The following HPS1 variants were observed in gnomAD, a reference collection of about 807,000 sequenced individuals.
HPS1 encodes BLOC-3 complex member HPS1.
In HPS1, 59 loss-of-function variants were observed where a neutral mutation model predicts 90.6. That is an observed-to-expected ratio of 0.65 (90% CI 0.53 to 0.81). The LOEUF (loss-of-function observed/expected upper bound fraction) is 0.81. Among genes scored for constraint, HPS1 ranks in the 30% least tolerant of loss-of-function variants. The probability of loss-of-function intolerance (pLI) is 0.00; values close to 1 mark genes in which losing one functional copy is unlikely to be tolerated. For missense variants in HPS1, 849 were observed against 896.7 expected (o/e 0.95, Z 0.68); for synonymous variants, 388 against 384.4 (o/e 1.01, Z -0.11).
In HPS1 at chr10:98,430,642, C is replaced by A. The variant is rs535690375; in HGVS notation, c.697G>T (p.Asp233Tyr). ...ACCAGGAGGATGAGGGCAAGCAGGT[C>A]GGCCGGGCGCAGGGAGCTGGCACTG... The part of the protein sequence containing the change: ...SHSASSLRPA[D>Y]LLALILLVQD... The change falls in exon 8 of 20, where the codon GAC (aspartate) becomes TAC (tyrosine). Residue 233 changes from aspartate (D) to tyrosine (Y), a missense_variant. Physicochemically the swap from Asp to Tyr is radical, Grantham distance 160. Coordinates refer to ENST00000361490, the MANE Select transcript of HPS1 (RefSeq NM_000195.5). The A allele has an allele frequency of 1.7e-5, 26 of 1,555,098 alleles. No individual in the cohort carries two copies. Among genetic ancestry groups the A allele is most frequent in the South Asian group, 3.6e-5 (3 of 84,252 alleles).
intron 2 of HPS1, among the ~76,000 whole-genome samples, chr10:98,443,662 T>G (rs958675852): frequency 1.3e-5 from 2 of 152,206 alleles, no homozygotes; most frequent in African/African-American, 2.4e-5. Flanking sequence ...GGCAGCCAGT[T>G]AGTGCCTGGT....
chr10:98,422,259 G>T, intron 17 of HPS1, 110 bp downstream of exon 17: 1 of 1,217,330 alleles, frequency 8.2e-7, no homozygotes, highest in Non-Finnish European at 1.2e-6. Flanking sequence ...GCCTCCTTGG[G>T]CCTGCTGCCC....
At position 98,429,532 on chromosome 10, in the gene HPS1, C is replaced by A. The variant is rs371098633; in HGVS notation, c.937+41G>T. 3.2e-5 allele frequency: 51 copies of A among 1,614,106 alleles called. No individual in the cohort carries two copies. The African/African-American group carries it at 5.7e-4, about 18-fold the overall frequency. ...GATGTCCTGGGCTGCCTGTCGCTCG[C>A]AGCTAGCTATTGTTTCCTCCTGCTT... On this transcript the variant is annotated intron_variant, in intron 10 of 19. Coordinates refer to ENST00000361490, the MANE Select transcript of HPS1 (RefSeq NM_000195.5).
downstream of HPS1, chr10:98,415,020 A>C (rs1255767779): frequency 6.2e-7 from 1 of 1,610,412 alleles, no homozygotes; most frequent in African/African-American, 1.4e-5. Context: ...TGCTCCTATC[A>C]CCACCGCATC....
At chr10:98,418,152 A>T in intron 19 of HPS1, 23 bp downstream of exon 19, 1 of 1,531,484 alleles carries the variant, frequency 6.5e-7, no homozygotes, top group Non-Finnish European at 9.0e-7. Flanking sequence ...ATCTGTCCCC[A>T]GTGGCTCCCA....
intron 17 of HPS1, among the ~76,000 whole-genome samples, 171 bp downstream of exon 17, chr10:98,422,198 C>T (rs559881183): frequency 9.9e-5 from 15 of 152,248 alleles, no homozygotes; most frequent in Admixed American, 2.0e-4. Flanking sequence ...TCCATTCTAG[C>T]TCATTCAACA....
rs377752969 is a variant in HPS1, at chr10:98,430,650, C to A, written c.689G>T (p.Arg230Leu). 3.9e-6 allele frequency: 6 copies of A among 1,554,044 alleles called. No homozygotes were observed. The highest frequency in any genetic ancestry group is 3.5e-6 in the Non-Finnish European group (4 of 1,148,308). ...GATGAGGGCAAGCAGGTCGGCCGGGCGCAGGGAGCTGGCACTGTGGCTGCA... is the reference window on the plus strand; with the variant it reads ...GATGAGGGCAAGCAGGTCGGCCGGGAGCAGGGAGCTGGCACTGTGGCTGCA... ...FYSSHSASSL[R>L]PADLLALILL... The change falls in exon 8 of 20, where the codon CGC becomes CTC. Residue 230 changes from arginine to leucine, a missense_variant. Coordinates refer to ENST00000361490, the MANE Select transcript of HPS1 (RefSeq NM_000195.5).
At chr10:98,430,250 G>A (rs1379743914) in intron 8 of HPS1, among the ~76,000 whole-genome samples, 1 of 152,196 alleles carries the variant, frequency 6.6e-6, no homozygotes, top group East Asian at 1.9e-4. Context: ...TAGATGCTTT[G>A]TTATTCCCAT....
At position 98,417,514 on chromosome 10, in the gene HPS1, C is replaced by G. The variant is rs925853139; in HGVS notation, c.*50G>C. 25 of 1,534,010 alleles carry G rather than the reference C, an allele frequency of 1.6e-5. No homozygotes were observed. The highest frequency in any genetic ancestry group is 2.1e-5 in the Non-Finnish European group (24 of 1,122,978). On this transcript the variant is annotated 3_prime_UTR_variant, in exon 20 of 20. Coordinates refer to ENST00000361490, the MANE Select transcript of HPS1 (RefSeq NM_000195.5). The surrounding 1 kb of genome is among the most constrained non-coding windows in gnomAD (Gnocchi z 4.2). ...TCTCGTCATGGGGAACAGTGGCAAG[C>G]AAGGGTGGCTGGAGGACAGGATGCA...
chr10:98,417,802 CT>C lies in HPS1; in HGVS notation c.1941-77del. ...CCAGCGCCAGAGGCCTCTCTGGGCC[CT>C]CGCAAGCAAATGCCCATGCCCTCGG... On this transcript the variant is annotated intron_variant, in intron 19 of 19. Coordinates refer to ENST00000361490, the MANE Select transcript of HPS1 (RefSeq NM_000195.5). The surrounding 1 kb of genome is among the most constrained non-coding windows in gnomAD (Gnocchi z 4.2). 7.0e-7 allele frequency: 1 copy of C among 1,422,910 alleles called. No homozygotes were observed. Among genetic ancestry groups the C allele is most frequent in the Non-Finnish European group, 9.9e-7 (1 of 1,011,688 alleles). 88.1% of individuals were successfully genotyped at this position (1,422,910 alleles called of 1,614,324 possible). A position where few individuals can be genotyped will look rare whatever the true frequency, so the allele number is the denominator to read the frequency against.
intron 6 of HPS1, among the ~76,000 whole-genome samples, chr10:98,433,325 T>C (rs1846790208): frequency 6.6e-6 from 1 of 152,126 alleles, no homozygotes; most frequent in African/African-American, 2.4e-5. Context: ...GTAACCTGTA[T>C]TTAACAAGCC....
intron 17 of HPS1, among the ~76,000 whole-genome samples, chr10:98,422,007 C>G (rs1449772964): frequency 6.6e-6 from 1 of 151,662 alleles, no homozygotes; most frequent in Admixed American, 6.6e-5. Context: ...CACACACACA[C>G]ACACACACGT....
At chr10:98,415,461 A>G (rs2274244), downstream of HPS1, among the ~76,000 whole-genome samples, 54,776 of 152,172 alleles carry the variant, frequency 0.36, 11,021 homozygotes, top group African/African-American at 0.53. Context: ...CATTTTACAG[A>G]TGAGGGCGCT....
rs1226760503 is a variant in HPS1 at position 98,425,806 on chromosome 10, G to A, written c.1155+12C>T. 4.3e-6 allele frequency: 7 copies of A among 1,611,742 alleles called. No individual in the cohort carries two copies. The highest frequency in any genetic ancestry group is 2.2e-5 in the South Asian group (2 of 90,962). ...CTAAGCATCATCAGGGCAGGGTGAGGGGCTCTCCTACCCTGGTCAGGAGCA... is the reference window on the plus strand; with the variant it reads ...CTAAGCATCATCAGGGCAGGGTGAGAGGCTCTCCTACCCTGGTCAGGAGCA... On this transcript the variant is annotated intron_variant, in intron 12 of 19. Coordinates refer to ENST00000361490, the MANE Select transcript of HPS1 (RefSeq NM_000195.5).
intron 12 of HPS1, 40 bp from the exon 13 acceptor site, chr10:98,425,760 C>T (rs2136155186): frequency 6.3e-7 from 1 of 1,598,806 alleles, no homozygotes; most frequent in Non-Finnish European, 8.5e-7. Flanking sequence ...CGGGGCTGCC[C>T]CTGGGGAAGA....
At chr10:98,425,018 C>T (rs1024651484) in intron 13 of HPS1, among the ~76,000 whole-genome samples, 6 of 152,348 alleles carry the variant, frequency 3.9e-5, no homozygotes, top group Admixed American at 3.3e-4. Flanking sequence ...TGTCAGAGCA[C>T]GGGGTGATGG....
rs760458446 is a variant in HPS1 at position 98,431,128 on chromosome 10, C to T, written c.668+3G>A. The T allele has an allele frequency of 1.2e-6, 2 of 1,614,030 alleles. No individual in the cohort carries two copies. Among genetic ancestry groups the T allele is most frequent in the Admixed American group, 3.3e-5 (2 of 60,012 alleles). On this transcript the variant is annotated splice_donor_region_variant and intron_variant, in intron 7 of 19. Coordinates refer to ENST00000361490, the MANE Select transcript of HPS1 (RefSeq NM_000195.5). The stretch of plus-strand genomic sequence containing the variant: ...GCCACCACATGCCAGACCTTGAGCT[C>T]ACCTAGAGTAGAATGCCAGCAGCTT...
downstream of HPS1, chr10:98,414,887 G>T: frequency 2.8e-6 from 4 of 1,408,352 alleles, no homozygotes; most frequent in Non-Finnish European, 2.8e-6. Flanking sequence ...ATAAACTTCT[G>T]GCTGGGTTAT....
At chr10:98,436,644 G>A (rs1271409883) in intron 3 of HPS1, among the ~76,000 whole-genome samples, 1 of 152,202 alleles carries the variant, frequency 6.6e-6, no homozygotes, top group Admixed American at 6.5e-5. Flanking sequence ...TGTTGCAAAT[G>A]TGTGAATAAA....
Sources: gnomAD v4.1 joint callset for allele counts (sites outside exome capture counted in the v4.1 genomes callset) on GRCh38, gnomAD v4.1.1 for gene constraint, Gnocchi (gnomAD v3.1) non-coding constraint, MANE v1.5 for transcripts, NCBI Gene and HGNC (gene_info 2026-07-23, HGNC 2026-07-21) for gene names.